The following FBXL20 variants were observed in gnomAD, a reference collection of about 807,000 sequenced individuals.
The protein encoded by FBXL20 is F-box and leucine rich repeat protein 20.
Under a neutral mutation model 64.0 loss-of-function variants are expected in FBXL20, and 11 were observed. The ratio of observed to expected loss-of-function variants is 0.17; its 90% CI spans 0.11 to 0.28. The LOEUF (loss-of-function observed/expected upper bound fraction) is 0.28. Among genes scored for constraint, FBXL20 ranks in the 10% least tolerant of loss-of-function variants. The pLI is 1.00. For synonymous variants in FBXL20, 184 were observed against 189.0 expected (o/e 0.97, Z 0.22); for missense variants, 303 against 526.2 (o/e 0.58, Z 4.15).
At chr17:39,396,699 T>C (rs1410094564) in intron 1 of FBXL20, among the ~76,000 whole-genome samples, 1 of 151,886 alleles carries the variant, frequency 6.6e-6, no homozygotes, top group Non-Finnish European at 1.5e-5. Flanking sequence ...CTCACACCTG[T>C]AATCCCAGCA....
At chr17:39,364,711 C>G (rs2047841813) in intron 1 of FBXL20, among the ~76,000 whole-genome samples, 1 of 152,230 alleles carries the variant, frequency 6.6e-6, no homozygotes, top group Non-Finnish European at 1.5e-5. Context: ...CAGACTCCTG[C>G]AGCCATCTAA....
intron 1 of FBXL20, among the ~76,000 whole-genome samples, chr17:39,377,413 T>G (rs1455330198): frequency 6.6e-6 from 1 of 152,180 alleles, no homozygotes; most frequent in Non-Finnish European, 1.5e-5. Flanking sequence ...GGTGGGGTAC[T>G]GATTTGAGTA....
chr17:39,300,880 G>T, intron 4 of FBXL20, 121 bp downstream of exon 4: 1 of 900,080 alleles, frequency 1.1e-6, no homozygotes, highest in Non-Finnish European at 1.7e-6. Flanking sequence ...GTAAAGTTCA[G>T]ATGCACTGAA....
At chr17:39,307,122 A>G (rs189710117) in intron 2 of FBXL20, among the ~76,000 whole-genome samples, 136 of 152,356 alleles carry the variant, frequency 8.9e-4, no homozygotes, top group African/African-American at 3.1e-3. Flanking sequence ...GAAAGGAAAG[A>G]AAAACATTCT....
intron 1 of FBXL20, among the ~76,000 whole-genome samples, chr17:39,367,930 A>AT (rs917180942): frequency 1.4e-4 from 21 of 147,502 alleles, no homozygotes; most frequent in South Asian, 2.2e-4. Flanking sequence ...CACCCAGCTA[A>AT]TTTTTTTTTT....
intron 3 of FBXL20, among the ~76,000 whole-genome samples, chr17:39,302,975 G>C (rs2047151447): frequency 6.7e-6 from 1 of 149,006 alleles, no homozygotes; most frequent in East Asian, 2.0e-4. Flanking sequence ...GCAGTGGTGT[G>C]ATCTCGGCTC....
intron 1 of FBXL20, among the ~76,000 whole-genome samples, chr17:39,400,281 T>C (rs974481228): frequency 3.9e-5 from 6 of 152,196 alleles, no homozygotes; most frequent in Non-Finnish European, 5.9e-5. Flanking sequence ...GTTCGCATAA[T>C]AAGAAATCAA....
At chr17:39,298,310 G>A (rs1329606925) in intron 5 of FBXL20, among the ~76,000 whole-genome samples, 1 of 152,022 alleles carries the variant, frequency 6.6e-6, no homozygotes, top group African/African-American at 2.4e-5. Context: ...TTGTAGAGAT[G>A]GGAGCCTTGC....
intron 5 of FBXL20, 117 bp downstream of exon 5, chr17:39,298,873 C>T (rs2047109643): frequency 2.7e-6 from 2 of 750,724 alleles, no homozygotes; most frequent in Non-Finnish European, 4.5e-6. Flanking sequence ...AGATTATAAG[C>T]AATGTGTGGT....
At chr17:39,364,785 C>G (rs1340210603) in intron 1 of FBXL20, among the ~76,000 whole-genome samples, 1 of 152,152 alleles carries the variant, frequency 6.6e-6, no homozygotes, top group African/African-American at 2.4e-5. Context: ...TGGCTGACAG[C>G]AACACCAAAA....
At chr17:39,261,671 A>G in intron 14 of FBXL20, 104 bp from the exon 15 acceptor site, 1 of 817,854 alleles carries the variant, frequency 1.2e-6, no homozygotes, top group Non-Finnish European at 2.0e-6. Flanking sequence ...ACATAAAAGC[A>G]GGGCAAAGGC....
Position 39,275,111 on chromosome 17 carries a change from A to T in FBXL20, c.697-11T>A. The T allele has an allele frequency of 6.3e-7, 1 of 1,599,970 alleles. No homozygotes were observed. The highest frequency in any genetic ancestry group is 8.5e-7 in the Non-Finnish European group (1 of 1,175,424). ...TTCATCTGTGATTTGCTAAAAAACA[A>T]GAGCAAAAAAATCCATAGATATTAG... On this transcript the variant is annotated splice_polypyrimidine_tract_variant and intron_variant, in intron 9 of 14. Coordinates refer to ENST00000264658, the MANE Select transcript of FBXL20 (RefSeq NM_032875.3).
Position 39,253,489 on chromosome 17 carries a change from C to T in FBXL20, c.*7971G>A, listed in dbSNP as rs1324072777. On this transcript the variant is annotated 3_prime_UTR_variant, in exon 15 of 15. Transcript: ENST00000264658. ...AGGCCGCTCTCCTCTTACAGTCAAC[C>T]TTTGGAGTGGGTAGTCACAGATACT... 1 of 152,316 alleles carries T rather than the reference C, an allele frequency of 6.6e-6. No individual in the cohort carries two copies. The highest frequency in any genetic ancestry group is 2.4e-5 in the African/African-American group (1 of 41,442). 9.4% of individuals were successfully genotyped at this position (152,316 alleles called of 1,614,324 possible).
At chr17:39,325,665 G>C (rs1229716901) in intron 2 of FBXL20, among the ~76,000 whole-genome samples, 3 of 152,122 alleles carry the variant, frequency 2.0e-5, no homozygotes, top group Admixed American at 6.6e-5. Context: ...GTAAATTGTA[G>C]AGAGATCCAA....
chr17:39,325,444 A>G (rs2144524280), intron 2 of FBXL20, among the ~76,000 whole-genome samples: 1 of 152,340 alleles, frequency 6.6e-6, no homozygotes, highest in South Asian at 2.1e-4. Flanking sequence ...GTACAATTAT[A>G]AATTGGGAAT....
intron 2 of FBXL20, among the ~76,000 whole-genome samples, chr17:39,320,876 C>T (rs528689672): frequency 1.3e-5 from 2 of 152,146 alleles, no homozygotes; most frequent in African/African-American, 2.4e-5. Flanking sequence ...GACTACAAGC[C>T]GTGCTCGGCC....
At chr17:39,320,636 C>T (rs1230374737) in intron 2 of FBXL20, among the ~76,000 whole-genome samples, 2 of 141,306 alleles carry the variant, frequency 1.4e-5, no homozygotes, top group Admixed American at 1.5e-4. Context: ...CTCCTGTTGT[C>T]CAGACTGGAG....
chr17:39,301,668 C>T (rs1436253916), intron 3 of FBXL20, among the ~76,000 whole-genome samples: 1 of 151,534 alleles, frequency 6.6e-6, no homozygotes. Context: ...GCGGAGGTTG[C>T]AGTGAGCCAA....
At chr17:39,394,395 C>A (rs911789242) in intron 1 of FBXL20, among the ~76,000 whole-genome samples, 2 of 151,226 alleles carry the variant, frequency 1.3e-5, no homozygotes, top group Non-Finnish European at 2.9e-5. Flanking sequence ...GCCTCAGCCT[C>A]CCGAGTAGCT....
Sources: allele counts gnomAD v4.1 joint callset (sites outside exome capture counted in the v4.1 genomes callset), GRCh38; gene constraint gnomAD v4.1.1; transcripts MANE v1.5; gene names NCBI Gene and HGNC (gene_info 2026-07-23, HGNC 2026-07-21).